GNAI1: variants seen among roughly 807,000 people sequenced by gnomAD.
GNAI1 encodes guanine nucleotide-binding protein G(i) subunit alpha-1.
A neutral mutation model predicts 38.9 loss-of-function variants in GNAI1; 11 were observed. The observed-to-expected ratio is 0.28, with a 90% CI of 0.18 to 0.47. The LOEUF is 0.47. Among genes scored for constraint, GNAI1 ranks in the 20% least tolerant of loss-of-function variants. GNAI1 has a pLI of 0.99. For missense variants in GNAI1, 317 were observed against 436.9 expected (o/e 0.73, Z 2.45); for synonymous variants, 166 against 145.1 (o/e 1.14, Z -1.04).
At chr7:80,161,969 T>C (rs1787931320) in intron 1 of GNAI1, among the ~76,000 whole-genome samples, 1 of 152,164 alleles carries the variant, frequency 6.6e-6, no homozygotes, top group Non-Finnish European at 1.5e-5. Flanking sequence ...TTAATAGTTA[T>C]CGAGTGTCTG....
Position 80,207,083 on chromosome 7 carries a change from G to A in GNAI1, c.590+3251G>A, listed in dbSNP as rs189827857. 2.0e-3 allele frequency among the ~76,000 whole-genome samples: 305 copies of A among 152,170 alleles called. 3 individuals are homozygous for A. Among genetic ancestry groups the A allele is most frequent in the African/African-American group, 7.0e-3 (292 of 41,568 alleles). On this transcript the variant is annotated intron_variant, in intron 5 of 7. Transcript: ENST00000649796. ...TTCTAGACTTAGGTTCCCCTAATAA[G>A]TAGTTGGGTAAACTTGGTTAAGTTT...
chr7:80,199,088 G>C, intron 3 of GNAI1, 137 bp from the exon 4 acceptor site: 1 of 577,490 alleles, frequency 1.7e-6, no homozygotes, highest in Admixed American at 3.3e-5. Context: ...CTTAGAGAAA[G>C]AAAAGTAATG....
chr7:80,211,709 G>A (rs998327721), intron 6 of GNAI1, among the ~76,000 whole-genome samples: 11 of 152,074 alleles, frequency 7.2e-5, no homozygotes, highest in Non-Finnish European at 1.2e-4. Flanking sequence ...CTGAGCCACC[G>A]CACCCAGCCG....
At chr7:80,154,799 G>C (rs1472172637) in intron 1 of GNAI1, among the ~76,000 whole-genome samples, 1 of 152,164 alleles carries the variant, frequency 6.6e-6, no homozygotes, top group African/African-American at 2.4e-5. Context: ...AGTTGGTTTT[G>C]ATTATTGTCA....
intron 3 of GNAI1, among the ~76,000 whole-genome samples, chr7:80,191,118 T>A (rs983303028): frequency 2.6e-5 from 4 of 152,110 alleles, no homozygotes; most frequent in Non-Finnish European, 4.4e-5. Flanking sequence ...CTGTTTGCTT[T>A]CTCCATCATC....
At chr7:80,137,286 CTTTTTTCTTTTTT>C (rs1447988442) in intron 1 of GNAI1, among the ~76,000 whole-genome samples, 30 of 95,202 alleles carry the variant, frequency 3.2e-4, no homozygotes, top group African/African-American at 1.2e-3. Context: ...ATTTCTTTTT[CTTTTTTCTTTTTT>C]TTTTTTTCTT....
At chr7:80,164,623 A>G (rs917488934) in intron 1 of GNAI1, among the ~76,000 whole-genome samples, 1 of 151,886 alleles carries the variant, frequency 6.6e-6, no homozygotes. Flanking sequence ...TGGCCTCCCC[A>G]CTTTCTTTTT....
At chr7:80,141,676 G>A (rs1787528094) in intron 1 of GNAI1, among the ~76,000 whole-genome samples, 1 of 152,052 alleles carries the variant, frequency 6.6e-6, no homozygotes, top group South Asian at 2.1e-4. Flanking sequence ...AATTATGGTG[G>A]TCTGACAGCA....
intron 3 of GNAI1, among the ~76,000 whole-genome samples, chr7:80,196,109 G>A (rs1387766189): frequency 1.3e-5 from 2 of 151,916 alleles, no homozygotes; most frequent in Non-Finnish European, 2.9e-5. Context: ...CCACCGCTTG[G>A]AATGAGGACT....
At position 80,219,844 on chromosome 7, in the gene GNAI1, C is replaced by T. The variant is rs1297507633; in HGVS notation, c.*2351C>T. 6.6e-6 allele frequency among the ~76,000 whole-genome samples: 1 copy of T among 152,160 alleles called. No homozygotes were observed. The highest frequency in any genetic ancestry group is 6.5e-5 in the Admixed American group (1 of 15,270). ...TCATCTAAGTTTTAAGCCCTGCATG[C>T]ATTAGGTGGAACTCTTCTGATTCCT... On this transcript the variant is annotated 3_prime_UTR_variant, in exon 8 of 8. Coordinates refer to ENST00000649796, the MANE Select transcript of GNAI1 (RefSeq NM_002069.6).
intron 1 of GNAI1, among the ~76,000 whole-genome samples, chr7:80,165,608 G>A (rs1787999466): frequency 6.6e-6 from 1 of 151,988 alleles, no homozygotes; most frequent in Admixed American, 6.5e-5. Flanking sequence ...TTGGCAGAAT[G>A]TTTTCTCTTT....
intron 4 of GNAI1, among the ~76,000 whole-genome samples, chr7:80,202,573 C>T (rs1584047821): frequency 6.6e-6 from 1 of 152,284 alleles, no homozygotes; most frequent in East Asian, 1.9e-4. Context: ...GGAGGATTAT[C>T]ACCAATGTGA....
chr7:80,145,708 T>G (rs186469816), intron 1 of GNAI1, among the ~76,000 whole-genome samples: 1 of 152,346 alleles, frequency 6.6e-6, no homozygotes, highest in African/African-American at 2.4e-5. Context: ...TTTGAAGTTC[T>G]TGAGCTTCAG....
intron 7 of GNAI1, 106 bp from the exon 8 acceptor site, chr7:80,217,197 A>T: frequency 6.6e-6 from 1 of 150,494 alleles, no homozygotes; most frequent in Non-Finnish European, 1.2e-5. Flanking sequence ...CATGAATGAA[A>T]CTGTATGAAA....
At position 80,219,612 on chromosome 7, in the gene GNAI1, A is replaced by T. The variant is rs1436667952; in HGVS notation, c.*2119A>T. Among the ~76,000 whole-genome samples the T allele has an allele frequency of 6.6e-6, 1 of 152,142 alleles. No homozygotes were observed. The highest frequency in any genetic ancestry group is 1.5e-5 in the Non-Finnish European group (1 of 68,022). Reference sequence around the variant, plus strand: ...GAATGCATTGCCTGCTTTTTAACTCATTATATTCAAAACTAAATTCATCAT... The same window carrying T: ...GAATGCATTGCCTGCTTTTTAACTCTTTATATTCAAAACTAAATTCATCAT... On this transcript the variant is annotated 3_prime_UTR_variant, in exon 8 of 8. Coordinates refer to ENST00000649796, the MANE Select transcript of GNAI1 (RefSeq NM_002069.6).
At chr7:80,166,481 A>G in intron 1 of GNAI1, among the ~76,000 whole-genome samples, 1 of 152,320 alleles carries the variant, frequency 6.6e-6, no homozygotes, top group East Asian at 1.9e-4. Context: ...TAAAGTAGAC[A>G]TAAACAGTTT....
rs772754719 is a variant in GNAI1 at position 80,222,629 on chromosome 7, C to T, written c.*5136C>T. Among the ~76,000 whole-genome samples, 56 of 151,858 alleles carry T rather than the reference C, an allele frequency of 3.7e-4. No homozygotes were observed. Among genetic ancestry groups the T allele is most frequent in the Non-Finnish European group, 5.9e-4 (40 of 67,900 alleles). ...CTCGAACTCCTGACCTCAGGTAATC[C>T]GCCCACCTCGGCCGCCCAAAGTGCT... On this transcript the variant is annotated 3_prime_UTR_variant, in exon 8 of 8. Transcript: ENST00000649796.
Position 80,222,705 on chromosome 7 carries a change from T to C in GNAI1, c.*5212T>C, listed in dbSNP as rs1339609545. On this transcript the variant is annotated 3_prime_UTR_variant, in exon 8 of 8. Transcript: ENST00000649796. ...CCTGGCCAAAATATTTTTAATTGAT[T>C]AAAAATGAGATAATTTGAGGAAACA... Among the ~76,000 whole-genome samples, 1 of 152,086 alleles carries C rather than the reference T, an allele frequency of 6.6e-6. No homozygotes were observed. The highest frequency in any genetic ancestry group is 1.5e-5 in the Non-Finnish European group (1 of 68,016).
rs544690122 is a variant in GNAI1 at position 80,160,617 on chromosome 7, A to G, written c.118+25339A>G. ...ACTTGTGATATCCACTTGCAAATCA[A>G]ATTCTTCATTTTAAGCTGTTTGCCA... On this transcript the variant is annotated intron_variant, in intron 1 of 7. Transcript: ENST00000649796. Among the ~76,000 whole-genome samples the G allele has an allele frequency of 4.6e-5, 7 of 152,242 alleles. No individual in the cohort carries two copies. The East Asian group carries it at 1.4e-3, about 29-fold the overall frequency.
Sources: gnomAD v4.1 joint callset for allele counts (sites outside exome capture counted in the v4.1 genomes callset) on GRCh38, gnomAD v4.1.1 for gene constraint, MANE v1.5 for transcripts, NCBI Gene and HGNC (gene_info 2026-07-23, HGNC 2026-07-21) for gene names.